Variants in CAPN11 observed in about 807,000 individuals in gnomAD.
CAPN11 encodes the protein calpain 11.
In CAPN11, 108 loss-of-function variants were observed where a neutral mutation model predicts 105.3. That is an observed-to-expected ratio of 1.03 (90% CI 0.88 to 1.20). The LOEUF (loss-of-function observed/expected upper bound fraction) is 1.20. CAPN11 is among the 50% of genes most tolerant of loss of function. CAPN11 has a pLI of 0.00. For missense variants in CAPN11, 883 were observed against 924.8 expected, an observed-to-expected ratio of 0.95 and a Z score of 0.59; for synonymous variants, 329 against 344.5, an observed-to-expected ratio of 0.96 and a Z score of 0.50.
At chr6:44,164,006 T>C (rs894512666) in intron 1 of CAPN11, among the ~76,000 whole-genome samples, 1 of 152,176 alleles carries the variant, frequency 6.6e-6, no homozygotes, top group African/African-American at 2.4e-5. Context: ...CCCAGTTAAT[T>C]TTTTTTAATT....
rs1257574447 is a variant in CAPN11 at position 44,176,153 on chromosome 6, T to G, written c.915+2T>G. On this transcript the variant is annotated splice_donor_variant, in intron 8 of 22. Coordinates refer to ENST00000398776, the MANE Select transcript of CAPN11 (RefSeq NM_007058.4). LOFTEE classifies it high-confidence loss of function. ...TACTCTGTGACTGGCCTTCAGGATG[T>G]GAGTCCTGAGAAATGCGCCCTACCC... 2 of 1,586,340 alleles carry G rather than the reference T, an allele frequency of 1.3e-6. No homozygotes were observed. The highest frequency in any genetic ancestry group is 1.7e-6 in the Non-Finnish European group (2 of 1,158,336).
rs1769047061 is a variant in CAPN11 at position 44,162,430 on chromosome 6, G to A, written c.16+3566G>A. Among the ~76,000 whole-genome samples, 3 of 151,808 alleles carry A rather than the reference G, an allele frequency of 2.0e-5. No individual in the cohort carries two copies. The South Asian group carries it at 6.2e-4, about 32-fold the overall frequency. ...ACACACCTGTAATCATAGCCCGAGG[G>A]GGTGAGGGAGCTTCCATTACCATTT... On this transcript the variant is annotated intron_variant, in intron 1 of 22. Coordinates refer to ENST00000398776, the MANE Select transcript of CAPN11 (RefSeq NM_007058.4).
chr6:44,183,868 T>A lies in CAPN11; in HGVS notation c.2194-38T>A, dbSNP rs760769654. The A allele has an allele frequency of 4.9e-5, 76 of 1,559,074 alleles. No homozygotes were observed. In the South Asian group the frequency reaches 7.4e-4, roughly 15 times the overall value. Reference sequence around the variant, plus strand: ...TCCCCGGGCCAGCATCCTGCCCCCGTCTCTTCCCACCCTGGGATCTGCTTC... The same window carrying A: ...TCCCCGGGCCAGCATCCTGCCCCCGACTCTTCCCACCCTGGGATCTGCTTC... On this transcript the variant is annotated intron_variant, in intron 22 of 22. Coordinates refer to ENST00000398776, the MANE Select transcript of CAPN11 (RefSeq NM_007058.4).
At chr6:44,176,420 G>A (rs567845771) in intron 9 of CAPN11, 82 bp downstream of exon 9, 2 of 1,362,934 alleles carry the variant, frequency 1.5e-6, no homozygotes, top group East Asian at 2.3e-5. Context: ...TCCCATCTAG[G>A]AGAACAACCT....
At chr6:44,168,492 A>C (rs765659110) in intron 2 of CAPN11, among the ~76,000 whole-genome samples, 38 of 151,038 alleles carry the variant, frequency 2.5e-4, no homozygotes, top group Non-Finnish European at 4.9e-4. Context: ...CTGGTCTCGA[A>C]CTCCTGACCT....
At chr6:44,176,529 A>G (rs572666086) in intron 9 of CAPN11, 52 bp from the exon 10 acceptor site, 20 of 1,523,152 alleles carry the variant, frequency 1.3e-5, no homozygotes, top group Middle Eastern at 3.4e-4. Flanking sequence ...GAGAGGAAGG[A>G]GGTGCCACAT....
At chr6:44,179,809 G>A (rs1320647788) in intron 13 of CAPN11, 143 bp from the exon 14 acceptor site, 12 of 880,408 alleles carry the variant, frequency 1.4e-5, no homozygotes, top group East Asian at 1.2e-4. Flanking sequence ...TTGGAGTTGC[G>A]GGCCACTTAG....
chr6:44,166,956 G>GGGGGGGGGGT, intron 2 of CAPN11, 127 bp downstream of exon 2: 1 of 507,922 alleles, frequency 2.0e-6, no homozygotes. Context: ...GCGGCGGGGG[G>GGGGGGGGGGT]AGGGGAGGCT....
rs1047714726 is a variant in CAPN11 at position 44,169,995 on chromosome 6, C to A, written c.409+20C>A. On this transcript the variant is annotated intron_variant, in intron 4 of 22. Coordinates refer to ENST00000398776, the MANE Select transcript of CAPN11 (RefSeq NM_007058.4). The stretch of plus-strand genomic sequence containing the variant: ...TCCTCGGTGAGTGGGGCACAGGAAG[C>A]TGGTCTCCACCTGGGCAAGAGGATT... The A allele has an allele frequency of 1.0e-5, 16 of 1,593,244 alleles. No homozygotes were observed. Among genetic ancestry groups the A allele is most frequent in the African/African-American group, 1.3e-5 (1 of 74,530 alleles).
At chr6:44,177,190 G>T in intron 11 of CAPN11, 52 bp from the exon 12 acceptor site, 14 of 1,532,560 alleles carry the variant, frequency 9.1e-6, no homozygotes, top group Non-Finnish European at 1.2e-5. Flanking sequence ...CCTGGGAAGG[G>T]CGTGGCCAAG....
intron 2 of CAPN11, among the ~76,000 whole-genome samples, chr6:44,168,157 A>G (rs1770294664): frequency 6.6e-6 from 1 of 152,218 alleles, no homozygotes; most frequent in African/African-American, 2.4e-5. Flanking sequence ...CATACCCTTT[A>G]GCCATCAACT....
chr6:44,165,389 G>A (rs1769624890), intron 1 of CAPN11, among the ~76,000 whole-genome samples: 2 of 152,244 alleles, frequency 1.3e-5, no homozygotes, highest in South Asian at 4.1e-4. Context: ...GAGAAGCCAA[G>A]GCATGGGGAG....
At chr6:44,164,451 G>A (rs1472628365) in intron 1 of CAPN11, among the ~76,000 whole-genome samples, 2 of 152,200 alleles carry the variant, frequency 1.3e-5, no homozygotes, top group Non-Finnish European at 2.9e-5. Flanking sequence ...AAACTCAGTA[G>A]TATACAAGGT....
At chr6:44,172,891 G>A (rs1427291359) in intron 5 of CAPN11, 49 bp from the exon 6 acceptor site, 2 of 1,594,110 alleles carry the variant, frequency 1.3e-6, no homozygotes, top group Non-Finnish European at 1.7e-6. Flanking sequence ...ACTAGGAGGC[G>A]CTTGATGATA....
At chr6:44,160,877 A>C (rs1040461617) in intron 1 of CAPN11, among the ~76,000 whole-genome samples, 5 of 152,176 alleles carry the variant, frequency 3.3e-5, no homozygotes, top group Admixed American at 2.6e-4. Flanking sequence ...ATATTTTATT[A>C]CTTATTATGG....
rs796121186 is a variant in CAPN11 at position 44,184,192 on chromosome 6, A to G, written c.*260A>G. ...GGCTTTCCCCCACCATCGCTCTCTC[A>G]GAGTATATTTTACTAAAGAGTAGTT... On this transcript the variant is annotated 3_prime_UTR_variant, in exon 23 of 23. Transcript: ENST00000398776. 2.8e-5 allele frequency: 16 copies of G among 565,002 alleles called. No individual in the cohort carries two copies. The highest frequency in any genetic ancestry group is 2.3e-4 in the African/African-American group (12 of 53,288). The allele number at this position is 565,002 out of a possible 1,614,324, so 35.0% of individuals were successfully genotyped here.
At chr6:44,174,495 T>C (rs1771584884) in intron 7 of CAPN11, among the ~76,000 whole-genome samples, 1 of 102,034 alleles carries the variant, frequency 9.8e-6, no homozygotes, top group South Asian at 3.2e-4. Flanking sequence ...CTAAGAAATA[T>C]AGTGAGACCT....
Position 44,183,920 on chromosome 6 carries a change from C to A in CAPN11, c.2208C>A (p.Thr736=), listed in dbSNP as rs763758192. ...TGTCTCCACAGTGGCTGCAGATGAC[C>A]ATGTGGGGATAGAGGCGCTGTAGGA... The part of the protein sequence containing the change: ...CLSLEQWLQM[T]MWG Residue 736 remains threonine (T), a synonymous_variant, in exon 23 of 23, where the codon ACC becomes ACA. Coordinates refer to ENST00000398776, the MANE Select transcript of CAPN11 (RefSeq NM_007058.4). 12 of 1,557,144 alleles carry A rather than the reference C, an allele frequency of 7.7e-6. No individual in the cohort carries two copies. The East Asian group carries it at 2.9e-4, about 38-fold the overall frequency.
chr6:44,177,982 T>G (rs983044695), intron 12 of CAPN11, among the ~76,000 whole-genome samples: 1 of 152,140 alleles, frequency 6.6e-6, no homozygotes, highest in Non-Finnish European at 1.5e-5. Flanking sequence ...CTCAGCCTCC[T>G]GACTAGCTAG....
Sources: allele counts gnomAD v4.1 joint callset (sites outside exome capture counted in the v4.1 genomes callset), GRCh38; gene constraint gnomAD v4.1.1; transcripts MANE v1.5; gene names NCBI Gene and HGNC (gene_info 2026-07-23, HGNC 2026-07-21).